MGAT5: variants seen among roughly 807,000 people sequenced by gnomAD.
The protein encoded by MGAT5 is alpha-1,6-mannosylglycoprotein 6-beta-N-acetylglucosaminyltransferase, also known as alpha-1,6-mannosylglycoprotein 6-beta-N-acetylglucosaminyltransferase A.
In MGAT5, 30 loss-of-function variants were observed where a neutral mutation model predicts 94.3. The observed-to-expected ratio is 0.32, with a 90% CI of 0.24 to 0.43. The LOEUF (loss-of-function observed/expected upper bound fraction) is 0.43, where lower values mean the gene tolerates loss of function less well. Ranked by LOEUF, MGAT5 falls within the 20% of genes least tolerant of loss-of-function variation. The pLI, the probability that MGAT5 is intolerant of heterozygous loss-of-function variation, is 1.00. For missense variants in MGAT5, 691 were observed against 905.5 expected (o/e 0.76, Z 3.04); for synonymous variants, 310 against 322.9 (o/e 0.96, Z 0.43).
intron 1 of MGAT5, among the ~76,000 whole-genome samples, chr2:134,219,073 G>A (rs12987785): frequency 0.047 from 7,110 of 152,218 alleles, 365 homozygotes; most frequent in African/African-American, 0.11. Flanking sequence ...CCAGTAATTA[G>A]AGAATTTGAG....
At chr2:134,120,560 G>C (rs1685520870) in intron 1 of MGAT5, among the ~76,000 whole-genome samples, 1 of 151,986 alleles carries the variant, frequency 6.6e-6, no homozygotes, top group African/African-American at 2.4e-5. Context: ...CCTCCCAGGG[G>C]AGGCTGAACC....
At chr2:134,408,069 A>G (rs1006912620) in intron 11 of MGAT5, among the ~76,000 whole-genome samples, 1 of 152,204 alleles carries the variant, frequency 6.6e-6, no homozygotes, top group Non-Finnish European at 1.5e-5. Context: ...TGGTACTGTT[A>G]TAAACGGTAC....
chr2:134,422,706 C>T (rs899850893), intron 12 of MGAT5, 97 bp from the exon 13 acceptor site: 17 of 852,162 alleles, frequency 2.0e-5, no homozygotes, highest in African/African-American at 1.3e-4. Context: ...GTTACCTACA[C>T]GATTATAACT....
chr2:134,307,517 C>T (rs1351850221), intron 2 of MGAT5, among the ~76,000 whole-genome samples: 1 of 152,082 alleles, frequency 6.6e-6, no homozygotes, highest in South Asian at 2.1e-4. Flanking sequence ...CAAGTGTTTT[C>T]AGTTGCCTTC....
rs566311695 is a variant in MGAT5 at position 134,425,658 on chromosome 2, G to A, written c.1795-2707G>A. 1.1e-4 allele frequency among the ~76,000 whole-genome samples: 16 copies of A among 152,254 alleles called. No individual in the cohort carries two copies. In the East Asian group the frequency reaches 2.7e-3, roughly 26 times the overall value. ...AATGATGCCAAGCCACATCTGTCAG[G>A]TCAGACCATGGAGGGCTTCTCATGG... On this transcript the variant is annotated intron_variant, in intron 13 of 15. Coordinates refer to ENST00000281923, the MANE Select transcript of MGAT5 (RefSeq NM_002410.5).
chr2:134,416,765 ATTTTT>A (rs10548586), intron 12 of MGAT5, among the ~76,000 whole-genome samples: 7,816 of 130,658 alleles, frequency 0.06, 249 homozygotes, highest in South Asian at 0.14. Context: ...CAGCTAATTA[ATTTTT>A]TTTTTTTTTT....
chr2:134,249,297 T>A (rs1022584297), upstream of MGAT5, among the ~76,000 whole-genome samples: 6 of 151,598 alleles, frequency 4.0e-5, no homozygotes, highest in African/African-American at 1.5e-4. Context: ...CGTATACAAC[T>A]CCATGGCTTT....
At chr2:134,424,773 A>G (rs62170206) in intron 13 of MGAT5, among the ~76,000 whole-genome samples, 25,946 of 152,204 alleles carry the variant, frequency 0.17, 2,539 homozygotes, top group African/African-American at 0.26. Context: ...CTCTAGCTAG[A>G]TATCCTCCCT....
chr2:134,193,675 TTG>T (rs58044792), intron 1 of MGAT5, among the ~76,000 whole-genome samples: 27,119 of 130,344 alleles, frequency 0.21, 2,663 homozygotes, highest in Middle Eastern at 0.39. Flanking sequence ...CCCCAAATCT[TTG>T]TGTGTGTGTG....
chr2:134,122,667 G>C (rs1368475147), intron 1 of MGAT5, among the ~76,000 whole-genome samples: 1 of 152,236 alleles, frequency 6.6e-6, no homozygotes, highest in Non-Finnish European at 1.5e-5. Flanking sequence ...ACTGGATATA[G>C]GGTTTGGGCT....
At chr2:134,215,675 C>G (rs1239732226) in intron 1 of MGAT5, among the ~76,000 whole-genome samples, 1 of 152,178 alleles carries the variant, frequency 6.6e-6, no homozygotes, top group Non-Finnish European at 1.5e-5. Context: ...AGCTAAACTT[C>G]CTTGTAAGTT....
intron 1 of MGAT5, among the ~76,000 whole-genome samples, chr2:134,127,498 C>G (rs1247815768): frequency 2.3e-5 from 3 of 132,670 alleles, no homozygotes; most frequent in Admixed American, 7.8e-5. Flanking sequence ...AAAGGTTTCC[C>G]CCCCCCCCAG....
chr2:134,161,742 G>A (rs368342253), intron 1 of MGAT5, among the ~76,000 whole-genome samples: 4 of 151,960 alleles, frequency 2.6e-5, no homozygotes, highest in East Asian at 1.9e-4. Context: ...CAGCACTTCC[G>A]GCTCTCCTTT....
chr2:134,317,547 A>C lies in MGAT5; in HGVS notation c.425A>C (p.Gln142Pro). 1.9e-6 allele frequency: 3 copies of C among 1,569,746 alleles called. No homozygotes were observed. Among genetic ancestry groups the C allele is most frequent in the Non-Finnish European group, 2.6e-6 (3 of 1,159,868 alleles). ...TTCACAGATATCATTAACGGAGCTCAAGAAAAATGTGTATTGCCTCCTATG... is the reference window on the plus strand; with the variant it reads ...TTCACAGATATCATTAACGGAGCTCCAGAAAAATGTGTATTGCCTCCTATG... ...INVADIINGA[Q>P]EKCVLPPMDG... The change falls in exon 3 of 16, where the codon CAA becomes CCA. Residue 142 changes from glutamine to proline, a missense_variant. Coordinates refer to ENST00000281923, the MANE Select transcript of MGAT5 (RefSeq NM_002410.5).
intron 11 of MGAT5, among the ~76,000 whole-genome samples, chr2:134,405,010 T>C (rs1683252605): frequency 6.6e-6 from 1 of 152,262 alleles, no homozygotes; most frequent in African/African-American, 2.4e-5. Flanking sequence ...TTGGCAGAGC[T>C]GGTTTTCAGC....
intron 1 of MGAT5, among the ~76,000 whole-genome samples, chr2:134,125,444 A>G (rs1296002469): frequency 6.6e-6 from 1 of 152,160 alleles, no homozygotes; most frequent in African/African-American, 2.4e-5. Flanking sequence ...ACCTAAGCCG[A>G]GAGGGCTTCA....
At chr2:134,172,638 G>A (rs754278034) in intron 1 of MGAT5, among the ~76,000 whole-genome samples, 24 of 152,044 alleles carry the variant, frequency 1.6e-4, no homozygotes, top group African/African-American at 3.1e-4. Flanking sequence ...CTCCCGCCTC[G>A]ACCTCCCAAA....
chr2:134,336,107 A>C (rs1478522941), intron 4 of MGAT5, 110 bp from the exon 5 acceptor site: 1 of 780,050 alleles, frequency 1.3e-6, no homozygotes, highest in Non-Finnish European at 2.1e-6. Flanking sequence ...TAAAAATAGC[A>C]CATATTAATA....
chr2:134,182,599 G>T (rs1470723036), intron 1 of MGAT5, among the ~76,000 whole-genome samples: 1 of 152,054 alleles, frequency 6.6e-6, no homozygotes, highest in East Asian at 1.9e-4. Context: ...GGAGTACCTA[G>T]GTGGAGAAAC....
Sources: allele counts gnomAD v4.1 joint callset (sites outside exome capture counted in the v4.1 genomes callset), GRCh38; gene constraint gnomAD v4.1.1; transcripts MANE v1.5; gene names NCBI Gene and HGNC (gene_info 2026-07-23, HGNC 2026-07-21).